The following POPDC1 variants were observed in gnomAD, a reference collection of about 807,000 sequenced individuals.
POPDC1 encodes the protein popeye domain-containing protein 1.
chr6:105,100,592 G>A, the POPDC1 span: 2 of 148,218 alleles, frequency 1.3e-5, no homozygotes, highest in Non-Finnish European at 1.5e-5. Context: ...GTGTGTGTGT[G>A]TGTGTGTGTG....
the POPDC1 span, chr6:105,129,337 A>G: frequency 6.6e-7 from 1 of 1,503,938 alleles, no homozygotes; most frequent in East Asian, 2.4e-5. Flanking sequence ...TCAAAGTTTT[A>G]GCTTTAAAAT....
the POPDC1 span, among the ~76,000 whole-genome samples, chr6:105,130,739 T>A: frequency 9.2e-5 from 14 of 152,186 alleles, no homozygotes; most frequent in African/African-American, 3.4e-4. Context: ...TGCAGGCAAT[T>A]ATAACACAAT....
At chr6:105,115,475 G>A in the POPDC1 span, among the ~76,000 whole-genome samples, 1 of 152,324 alleles carries the variant, frequency 6.6e-6, no homozygotes, top group East Asian at 1.9e-4. Context: ...TTCAATTTCT[G>A]AAACAGAAAT....
chr6:105,112,519 G>T, the POPDC1 span, among the ~76,000 whole-genome samples: 1 of 152,294 alleles, frequency 6.6e-6, no homozygotes, highest in Admixed American at 6.5e-5. Flanking sequence ...TGACACTGGA[G>T]ATTATCATTG....
the POPDC1 span, among the ~76,000 whole-genome samples, chr6:105,119,246 A>G: frequency 1.3e-5 from 2 of 151,026 alleles, no homozygotes; most frequent in South Asian, 4.2e-4. Context: ...GCCCAAATCT[A>G]TTTTCCCACC....
chr6:105,100,509 C>CA, the POPDC1 span: 8,822 of 127,874 alleles, frequency 0.069, 308 homozygotes, highest in Middle Eastern at 0.18. Flanking sequence ...AACTCCATCT[C>CA]AAAAAAAAAA....
chr6:105,136,484 C>A, the POPDC1 span: 7 of 152,382 alleles, frequency 4.6e-5, no homozygotes, highest in Admixed American at 1.3e-4. Flanking sequence ...ACGGAGTGGG[C>A]GACACCGCGC....
the POPDC1 span, among the ~76,000 whole-genome samples, chr6:105,110,758 A>G: frequency 6.6e-6 from 1 of 152,094 alleles, no homozygotes; most frequent in Admixed American, 6.6e-5. Flanking sequence ...ACCATGGCTC[A>G]CTGCAGCCTA....
At chr6:105,116,874 A>C in the POPDC1 span, 1 of 1,610,178 alleles carries the variant, frequency 6.2e-7, no homozygotes, top group Non-Finnish European at 8.5e-7. Context: ...GTGACCTGCC[A>C]AAGAAACAAG....
the POPDC1 span, chr6:105,133,662 C>T: frequency 9.5e-7 from 1 of 1,049,928 alleles, no homozygotes; most frequent in South Asian, 1.6e-5. Context: ...AGGTATTATA[C>T]CAAAATTATT....
At chr6:105,098,940 C>T in the POPDC1 span, 2 of 152,546 alleles carry the variant, frequency 1.3e-5, no homozygotes, top group African/African-American at 4.8e-5. Flanking sequence ...TCTGTGCTCA[C>T]TGCAACCTCA....
At chr6:105,105,787 A>G in the POPDC1 span, among the ~76,000 whole-genome samples, 5 of 152,222 alleles carry the variant, frequency 3.3e-5, no homozygotes, top group African/African-American at 4.8e-5. Context: ...CAGAGGCCCA[A>G]CTATCTTCCA....
chr6:105,115,777 C>A, the POPDC1 span: 1 of 1,614,134 alleles, frequency 6.2e-7, no homozygotes, highest in South Asian at 1.1e-5. Context: ...TCATTTCCAA[C>A]ATGGAGATCT....
chr6:105,099,837 A>C, the POPDC1 span: 1 of 152,224 alleles, frequency 6.6e-6, no homozygotes, highest in Non-Finnish European at 1.5e-5. Context: ...TCAAAGAATG[A>C]AGCAGATCTT....
chr6:105,108,881 G>A, the POPDC1 span, among the ~76,000 whole-genome samples: 4 of 152,318 alleles, frequency 2.6e-5, no homozygotes, highest in East Asian at 7.7e-4. Context: ...TAACTTGACC[G>A]TTTCAAAGTA....
chr6:105,126,054 A>G, the POPDC1 span, among the ~76,000 whole-genome samples: 2 of 151,934 alleles, frequency 1.3e-5, no homozygotes, highest in African/African-American at 2.4e-5. Flanking sequence ...TGAAACCCCC[A>G]TCTCTACTAA....
chr6:105,107,404 G>A, the POPDC1 span, among the ~76,000 whole-genome samples: 2 of 152,098 alleles, frequency 1.3e-5, no homozygotes, highest in Non-Finnish European at 2.9e-5. Context: ...GAGCCTGAAG[G>A]CCTCTCCTAG....
At chr6:105,105,470 A>G in the POPDC1 span, among the ~76,000 whole-genome samples, 1 of 152,198 alleles carries the variant, frequency 6.6e-6, no homozygotes. Flanking sequence ...TGTCATGGCC[A>G]CCAGAAAGCC....
chr6:105,116,951 G>T, the POPDC1 span: 8 of 1,264,602 alleles, frequency 6.3e-6, no homozygotes, highest in East Asian at 2.0e-4. Context: ...AACTAGGAAT[G>T]ATTTAGTGGA....
Sources: gnomAD v4.1 joint callset for allele counts (sites outside exome capture counted in the v4.1 genomes callset) on GRCh38, gnomAD v4.1.1 for gene constraint, MANE v1.5 for transcripts, NCBI Gene and HGNC (gene_info 2026-07-23, HGNC 2026-07-21) for gene names.